The following TAF5 variants were observed in gnomAD, a reference collection of about 807,000 sequenced individuals.
TAF5 encodes transcription initiation factor TFIID subunit 5.
TAF5 carries 20 observed loss-of-function variants against 80.9 expected under a neutral mutation model. The observed-to-expected ratio is 0.25, with a 90% CI of 0.17 to 0.36. The LOEUF (loss-of-function observed/expected upper bound fraction) is 0.36, where lower values mean the gene tolerates loss of function less well. Ranked by LOEUF, TAF5 falls within the 10% of genes least tolerant of loss-of-function variation. TAF5 has a pLI of 1.00. For missense variants in TAF5, 863 were observed against 1,029.4 expected (o/e 0.84, Z 2.21); for synonymous variants, 388 against 406.4 (o/e 0.95, Z 0.55).
At position 103,381,778 on chromosome 10, in the gene TAF5, G is replaced by C; in HGVS notation, c.1471G>C (p.Asp491His). 6.2e-7 allele frequency: 1 copy of C among 1,614,182 alleles called. No individual in the cohort carries two copies. Among genetic ancestry groups the C allele is most frequent in the South Asian group, 1.1e-5 (1 of 91,086 alleles). The change falls in exon 6 of 11, where the codon GAT becomes CAT. Residue 491 changes from aspartate (D) to histidine (H), a missense_variant. This residue lies in a region of TAF5 where 368 missense variants were observed against 461.7 expected (regional missense o/e 0.80). Transcript: ENST00000369839. ...TAGTCTGATTGCTGGAGGTTTTGCA[G>C]ATTCAACTGTCAGAGTGTGGTCGGT... is the stretch of plus-strand genomic sequence containing the variant. Reference protein sequence around the residue: ...DSSLIAGGFADSTVRVWSVTP... With the variant: ...DSSLIAGGFAHSTVRVWSVTP...
intron 2 of TAF5, among the ~76,000 whole-genome samples, chr10:103,375,640 A>G (rs2133627160): frequency 6.6e-6 from 1 of 152,256 alleles, no homozygotes; most frequent in East Asian, 1.9e-4. Flanking sequence ...AGGGGAGAGT[A>G]TGAAATAAGT....
rs114868680 is a variant in TAF5 at position 103,378,960 on chromosome 10, G to A, written c.1113+410G>A. On this transcript the variant is annotated intron_variant, in intron 3 of 10. Coordinates refer to ENST00000369839, the MANE Select transcript of TAF5 (RefSeq NM_006951.5). The surrounding 1 kb of genome is among the most constrained non-coding windows in gnomAD (Gnocchi z 4.1). ...CAGGCGTGAGCTACTGCGCCTGGCCGCTTGGAAACAATTTTATACTGTATA... is the reference window on the plus strand; with the variant it reads ...CAGGCGTGAGCTACTGCGCCTGGCCACTTGGAAACAATTTTATACTGTATA... 6.6e-6 allele frequency among the ~76,000 whole-genome samples: 1 copy of A among 152,130 alleles called. No homozygotes were observed. Among genetic ancestry groups the A allele is most frequent in the East Asian group, 1.9e-4 (1 of 5,194 alleles).
rs370285527 is a variant in TAF5, at chr10:103,388,576, T to A, written c.*353T>A. The A allele has an allele frequency of 2.8e-5, 5 of 175,668 alleles. No individual in the cohort carries two copies. Among genetic ancestry groups the A allele is most frequent in the Non-Finnish European group, 6.1e-5 (5 of 82,168 alleles). 10.9% of individuals were successfully genotyped at this position (175,668 alleles called of 1,614,324 possible). A position where few individuals can be genotyped will look rare whatever the true frequency, so the allele number is the denominator to read the frequency against. ...CTGCTTCAAGATTCAAATTCAGAAA[T>A]ATACTATCATCTTGAATTTTAGCTG... On this transcript the variant is annotated 3_prime_UTR_variant, in exon 11 of 11. Transcript: ENST00000369839.
rs1436674989 is a variant in TAF5 at position 103,378,671 on chromosome 10, T to C, written c.1113+121T>C. 1.7e-6 allele frequency: 2 copies of C among 1,202,172 alleles called. No individual in the cohort carries two copies. Among genetic ancestry groups the C allele is most frequent in the Non-Finnish European group, 2.3e-6 (2 of 877,714 alleles). 74.5% of individuals were successfully genotyped at this position (1,202,172 alleles called of 1,614,324 possible). On this transcript the variant is annotated intron_variant, in intron 3 of 10. Coordinates refer to ENST00000369839, the MANE Select transcript of TAF5 (RefSeq NM_006951.5). The surrounding 1 kb of genome is among the most constrained non-coding windows in gnomAD (Gnocchi z 4.1). ...GGAAACAATTTTTTTCGTTTGTTTGTTTTGAGACGGAGTTTTGCTCTTGTC... is the reference window on the plus strand; with the variant it reads ...GGAAACAATTTTTTTCGTTTGTTTGCTTTGAGACGGAGTTTTGCTCTTGTC...
At chr10:103,377,555 A>C (rs1030363621) in intron 2 of TAF5, among the ~76,000 whole-genome samples, 1 of 152,134 alleles carries the variant, frequency 6.6e-6, no homozygotes, top group African/African-American at 2.4e-5. Context: ...ACAAAAGTAC[A>C]TTTAAGTTTA....
chr10:103,386,942 C>T (rs761824670), intron 8 of TAF5, among the ~76,000 whole-genome samples: 2 of 150,470 alleles, frequency 1.3e-5, no homozygotes, highest in Admixed American at 6.6e-5. Flanking sequence ...GAAGTGTAAG[C>T]GTGAGCCCCC....
intron 5 of TAF5, 80 bp downstream of exon 5, chr10:103,380,099 T>G: frequency 6.8e-7 from 1 of 1,462,100 alleles, no homozygotes; most frequent in East Asian, 2.4e-5. Context: ...AACAAATGTA[T>G]TAGCTAAAAT....
chr10:103,368,123 ACGG>A lies in TAF5; in HGVS notation c.144_146del (p.Gly49del). 5 of 1,403,244 alleles carry A rather than the reference ACGG, an allele frequency of 3.6e-6. No individual in the cohort carries two copies. Among genetic ancestry groups the A allele is most frequent in the Admixed American group, 3.5e-5 (1 of 28,488 alleles). The allele number at this position is 1,403,244 out of a possible 1,614,324, so 86.9% of individuals were successfully genotyped here. A position where few individuals can be genotyped will look rare whatever the true frequency, so the allele number is the denominator to read the frequency against. On this transcript the variant is annotated inframe_deletion, in exon 1 of 11. Transcript: ENST00000369839. ...GGCGGCACTACCAACAACGGCCCCA[ACGG>A]CGGCGGCGGGAACGTTGCGGCGTCG... is the stretch of plus-strand genomic sequence containing the variant.
At chr10:103,381,425 C>T (rs1337495689) in intron 5 of TAF5, among the ~76,000 whole-genome samples, 1 of 151,954 alleles carries the variant, frequency 6.6e-6, no homozygotes, top group Non-Finnish European at 1.5e-5. Context: ...CACCACCCTG[C>T]TTGGCTAATT....
intron 10 of TAF5, 119 bp downstream of exon 10, chr10:103,387,817 T>G (rs1350573831): frequency 7.7e-6 from 9 of 1,173,244 alleles, no homozygotes; most frequent in East Asian, 2.3e-5. Context: ...GATTCCAGAG[T>G]GTCATCCTAC....
At chr10:103,368,614 T>A in intron 1 of TAF5, 66 bp downstream of exon 1, 1 of 1,426,900 alleles carries the variant, frequency 7.0e-7, no homozygotes, top group Admixed American at 2.9e-5. Context: ...AGGCAGGGGC[T>A]GGCAGGCCTG....
intron 8 of TAF5, 111 bp downstream of exon 8, chr10:103,385,601 C>A: frequency 8.1e-7 from 1 of 1,227,704 alleles, no homozygotes; most frequent in South Asian, 1.4e-5. Flanking sequence ...TGAGGTTCAA[C>A]TTTCTGAGAA....
At position 103,374,303 on chromosome 10, in the gene TAF5, G is replaced by A. The variant is rs2093365775; in HGVS notation, c.797+708G>A. ...TTTGTTTATTTTTCTCGTAAATGTG[G>A]GACATTCGGGATTGGTGTGGTGGGT... On this transcript the variant is annotated intron_variant, in intron 2 of 10. Transcript: ENST00000369839. This position sits in a 1 kb window ranked among gnomAD's most constrained non-coding sequence, Gnocchi z 4.3. Among the ~76,000 whole-genome samples the A allele has an allele frequency of 6.6e-6, 1 of 152,142 alleles. No homozygotes were observed. Among genetic ancestry groups the A allele is most frequent in the South Asian group, 2.1e-4 (1 of 4,824 alleles).
At chr10:103,370,247 T>C (rs1434316072) in intron 1 of TAF5, among the ~76,000 whole-genome samples, 2 of 151,744 alleles carry the variant, frequency 1.3e-5, no homozygotes, top group Non-Finnish European at 2.9e-5. Context: ...AAAAATTTTT[T>C]TTTTACATTA....
chr10:103,388,154 A>G lies in TAF5; in HGVS notation c.2334A>G (p.Thr778=). The G allele has an allele frequency of 6.2e-7, 1 of 1,614,074 alleles. No individual in the cohort carries two copies. The highest frequency in any genetic ancestry group is 2.2e-5 in the East Asian group (1 of 44,848). Residue 778 remains threonine, a synonymous_variant, in exon 11 of 11, where the codon ACA becomes ACG. Coordinates refer to ENST00000369839, the MANE Select transcript of TAF5 (RefSeq NM_006951.5). ...TGGGAACATATATGACCAAATCAAC[A>G]CCAGTTGTACACCTTCATTTTACTC... ...LLLGTYMTKS[T]PVVHLHFTRR...
chr10:103,375,119 CAA>C (rs914374305), intron 2 of TAF5, among the ~76,000 whole-genome samples: 13 of 80,636 alleles, frequency 1.6e-4, no homozygotes, highest in Admixed American at 4.3e-4. Flanking sequence ...GACCCTGTCT[CAA>C]AAAAAAAAAA....
At chr10:103,372,699 T>C (rs532083408) in intron 1 of TAF5, among the ~76,000 whole-genome samples, 1 of 150,146 alleles carries the variant, frequency 6.7e-6, no homozygotes, top group African/African-American at 2.4e-5. Flanking sequence ...AGTTTGAGAC[T>C]AGCCTGGTCA....
Position 103,373,406 on chromosome 10 carries a change from C to T in TAF5, c.608C>T (p.Ser203Leu). The T allele has an allele frequency of 6.2e-7, 1 of 1,614,108 alleles. No individual in the cohort carries two copies. Among genetic ancestry groups the T allele is most frequent in the Non-Finnish European group, 8.5e-7 (1 of 1,180,002 alleles). The change falls in exon 2 of 11, where the codon TCA becomes TTA. Residue 203 changes from serine (S) to leucine (L), a missense_variant. Physicochemically the swap from Ser to Leu is moderately radical, Grantham distance 145 (BLOSUM62 -2). Coordinates refer to ENST00000369839, the MANE Select transcript of TAF5 (RefSeq NM_006951.5). Reference protein sequence around the residue: ...EDQPDVSAVLSAYNQQGDPTM... With the variant: ...EDQPDVSAVLLAYNQQGDPTM... The stretch of plus-strand genomic sequence containing the variant: ...CAGCCAGATGTCAGTGCCGTGTTGT[C>T]AGCCTACAACCAACAAGGAGATCCC...
Position 103,368,575 on chromosome 10 carries a change from C to T in TAF5, c.559+27C>T, listed in dbSNP as rs758799491. 11 of 1,449,478 alleles carry T rather than the reference C, an allele frequency of 7.6e-6. No homozygotes were observed. The African/African-American group carries it at 1.2e-4, about 16-fold the overall frequency. 89.8% of individuals were successfully genotyped at this position (1,449,478 alleles called of 1,614,324 possible). ...TGAGCCGTGGGGTCCCGGGTAGGTACGGCCGCCGCGAAGGGGAGCAAGCCG... is the reference window on the plus strand; with the variant it reads ...TGAGCCGTGGGGTCCCGGGTAGGTATGGCCGCCGCGAAGGGGAGCAAGCCG... On this transcript the variant is annotated intron_variant, in intron 1 of 10. Transcript: ENST00000369839.
Sources: gnomAD v4.1 joint callset for allele counts (sites outside exome capture counted in the v4.1 genomes callset) on GRCh38, gnomAD v4.1.1 for gene constraint, gnomAD v4.1.1 regional missense constraint, Gnocchi (gnomAD v3.1) non-coding constraint, MANE v1.5 for transcripts, NCBI Gene and HGNC (gene_info 2026-07-23, HGNC 2026-07-21) for gene names.